MARF1: variants seen among roughly 807,000 people sequenced by gnomAD.
MARF1 encodes meiosis regulator and mRNA stability factor 1.
MARF1 carries 24 observed loss-of-function variants against 168.2 expected under a neutral mutation model. The observed-to-expected ratio is 0.14, with a 90% confidence interval of 0.10 to 0.20. The LOEUF (loss-of-function observed/expected upper bound fraction) is 0.20, where lower values mean the gene tolerates loss of function less well. Ranked by LOEUF, MARF1 falls within the 10% of genes least tolerant of loss-of-function variation. The pLI, the probability that MARF1 is intolerant of heterozygous loss-of-function variation, is 1.00. For synonymous variants in MARF1, 868 were observed against 822.4 expected (o/e 1.06, Z -0.95); for missense variants, 1,744 against 2,143.6 (o/e 0.81, Z 3.68).
At chr16:15,634,170 G>A (rs1291731553) in intron 4 of MARF1, among the ~76,000 whole-genome samples, 3 of 152,128 alleles carry the variant, frequency 2.0e-5, no homozygotes, top group Non-Finnish European at 2.9e-5. Flanking sequence ...CTAACTGACC[G>A]GATACTGCAG....
Position 15,643,133 on chromosome 16 carries a change from C to T in MARF1, c.-174G>A, listed in dbSNP as rs1222308039. 1 of 271,348 alleles carries T rather than the reference C, an allele frequency of 3.7e-6. No homozygotes were observed. Among genetic ancestry groups the T allele is most frequent in the African/African-American group, 2.4e-5 (1 of 41,782 alleles). 16.8% of individuals were successfully genotyped at this position (271,348 alleles called of 1,614,324 possible). On this transcript the variant is annotated 5_prime_UTR_variant, in exon 1 of 27. Transcript: ENST00000396368. ...CAGCTCCCGCCGCCGCCGCCAAGCG[C>T]ACCCTTCACTTCCGCTTCCGCACCG...
At chr16:15,620,844 A>G (rs919063087) in intron 12 of MARF1, among the ~76,000 whole-genome samples, 3 of 152,188 alleles carry the variant, frequency 2.0e-5, no homozygotes, top group South Asian at 4.1e-4. Flanking sequence ...TTTGTTAGAT[A>G]TATGTGATTG....
intron 13 of MARF1, among the ~76,000 whole-genome samples, chr16:15,620,150 G>A (rs2151177674): frequency 6.6e-6 from 1 of 152,198 alleles, no homozygotes; most frequent in South Asian, 2.1e-4. Flanking sequence ...CGGCAACAGA[G>A]CGAGACTCTG....
Position 15,609,582 on chromosome 16 carries a change from C to T in MARF1, c.3895G>A (p.Ala1299Thr), listed in dbSNP as rs1424925127. 6.2e-7 allele frequency: 1 copy of T among 1,614,156 alleles called. No individual in the cohort carries two copies. The highest frequency in any genetic ancestry group is 8.5e-7 in the Non-Finnish European group (1 of 1,180,028). The change falls in exon 20 of 27, where the codon GCG (alanine) becomes ACG (threonine). Residue 1299 changes from alanine (A) to threonine (T), a missense_variant. Ala to Thr is a moderately conservative substitution (Grantham distance 58, BLOSUM62 0). Around this residue, in one of 7 missense-constraint regions of MARF1, gnomAD observed 543 missense variants for 742.1 expected, o/e 0.73. Transcript: ENST00000396368. ...HHHFGRQCKL[A>T]YYGFTKLLEL... ...AGTAGTTTGGTAAACCCATAGTACG[C>T]AAGTTTGCACTGCCGGCCAAAGTGG...
chr16:15,634,185 A>T (rs2035435291), intron 4 of MARF1, among the ~76,000 whole-genome samples: 1 of 152,250 alleles, frequency 6.6e-6, no homozygotes, highest in African/African-American at 2.4e-5. Context: ...CTGCAGCTCC[A>T]GGACCCGACT....
rs78937176 is a variant in MARF1, at chr16:15,637,825, T to C, written c.144+1265A>G. Among the ~76,000 whole-genome samples the C allele has an allele frequency of 1.2e-4, 18 of 152,318 alleles. No individual in the cohort carries two copies. In the East Asian group the frequency reaches 2.9e-3, roughly 24 times the overall value. On this transcript the variant is annotated intron_variant, in intron 2 of 26. Coordinates refer to ENST00000396368, the MANE Select transcript of MARF1 (RefSeq NM_014647.4). ...TGATGTCTTGCAACAAAGACAACTA[T>C]ATAGTGAAAACCTAGAGAAAATAGA...
intron 26 of MARF1, among the ~76,000 whole-genome samples, chr16:15,597,590 T>A (rs1014675313): frequency 2.0e-5 from 3 of 152,072 alleles, no homozygotes; most frequent in African/African-American, 7.2e-5. Context: ...TGCCTTAGAC[T>A]CCCACTGCAT....
chr16:15,622,921 G>C lies in MARF1; in HGVS notation c.2460+13C>G, dbSNP rs767208076. 1 of 1,567,470 alleles carries C rather than the reference G, an allele frequency of 6.4e-7. No homozygotes were observed. Among genetic ancestry groups the C allele is most frequent in the South Asian group, 1.1e-5 (1 of 87,830 alleles). ...AGAGTATAACAAAGCAAGCACAAGA[G>C]GGAAAAAGTTACCTTGCCATGCCTG... On this transcript the variant is annotated intron_variant, in intron 11 of 26. Transcript: ENST00000396368.
Position 15,643,079 on chromosome 16 carries a change from CA to C in MARF1, c.-121del, listed in dbSNP as rs2036158523. 2 of 297,256 alleles carry C rather than the reference CA, an allele frequency of 6.7e-6. No homozygotes were observed. Among genetic ancestry groups the C allele is most frequent in the African/African-American group, 2.4e-5 (1 of 42,070 alleles). 18.4% of individuals were successfully genotyped at this position (297,256 alleles called of 1,614,324 possible). Reference sequence around the variant, plus strand: ...CCCGCCGCCTTCCCCCCGCCCCCCCCAGGCCCTTTGTTTTGATTCCCGACTC... The same window carrying C: ...CCCGCCGCCTTCCCCCCGCCCCCCCCGGCCCTTTGTTTTGATTCCCGACTC... On this transcript the variant is annotated 5_prime_UTR_variant, in exon 1 of 27. Transcript: ENST00000396368.
In MARF1 at chr16:15,630,343, G is replaced by C. The variant is rs753772105; in HGVS notation, c.1513C>G (p.Leu505Val). 1.5e-5 allele frequency: 24 copies of C among 1,599,192 alleles called. No homozygotes were observed. The highest frequency in any genetic ancestry group is 2.0e-5 in the Non-Finnish European group (23 of 1,170,638). The change falls in exon 7 of 27, where the codon CTA (leucine) becomes GTA (valine). Residue 505 changes from leucine to valine, a missense_variant. Transcript: ENST00000396368. ...FISDLPPRLP[L>V]KMPQCHTLLY... Reference sequence around the variant, plus strand: ...GCAAACCCACTTACTGGCATTTTTAGTGGTAACCTGGGGGGCAAGTCGGAA... The same window carrying C: ...GCAAACCCACTTACTGGCATTTTTACTGGTAACCTGGGGGGCAAGTCGGAA...
chr16:15,621,945 T>C, intron 11 of MARF1, 34 bp from the exon 12 acceptor site: 7 of 1,603,310 alleles, frequency 4.4e-6, no homozygotes, highest in South Asian at 2.2e-5. Context: ...AAACGCTATG[T>C]CCGCCCAGAA....
intron 11 of MARF1, among the ~76,000 whole-genome samples, chr16:15,622,288 A>G (rs1189393993): frequency 6.6e-6 from 1 of 152,212 alleles, no homozygotes; most frequent in African/African-American, 2.4e-5. Flanking sequence ...GTCAAATATA[A>G]TAAGGCATAA....
intron 10 of MARF1, among the ~76,000 whole-genome samples, chr16:15,623,679 T>G (rs1186568813): frequency 6.6e-6 from 1 of 152,146 alleles, no homozygotes; most frequent in African/African-American, 2.4e-5. Context: ...TATTCTTCCT[T>G]TGGGTTAAAG....
In MARF1 at chr16:15,608,578, T is replaced by A; in HGVS notation, c.3955-60A>T. On this transcript the variant is annotated intron_variant, in intron 20 of 26. Coordinates refer to ENST00000396368, the MANE Select transcript of MARF1 (RefSeq NM_014647.4). ...AAACAAATCACGGGTGTTTACAGAA[T>A]AGCAAAAAAAGTATGCAGCTAGTAA... The A allele has an allele frequency of 5.5e-6, 7 of 1,262,790 alleles. No homozygotes were observed. In the Admixed American group the frequency reaches 1.1e-4, roughly 19 times the overall value. 78.2% of individuals were successfully genotyped at this position (1,262,790 alleles called of 1,614,324 possible).
At chr16:15,611,225 G>C (rs190371113) in intron 18 of MARF1, 117 bp from the exon 19 acceptor site, 1 of 917,284 alleles carries the variant, frequency 1.1e-6, no homozygotes, top group African/African-American at 1.7e-5. Flanking sequence ...TTGGGAGGCC[G>C]AGGTGGACGG....
chr16:15,602,351 T>TGAAGAAGGAGACAAAGATGACGAA, intron 22 of MARF1, 148 bp from the exon 23 acceptor site: 1 of 648,340 alleles, frequency 1.5e-6, no homozygotes, highest in South Asian at 1.9e-5. Context: ...AAGATGAAGA[T>TGAAGAAGGAGACAAAGATGACGAA]GAAGAAGGAG....
Position 15,611,470 on chromosome 16 carries a change from A to G in MARF1, c.3617+122T>C, listed in dbSNP as rs958122177. On this transcript the variant is annotated intron_variant, in intron 18 of 26. Transcript: ENST00000396368. ...TCAAAAAAAAAAAAAAAAAAACAAA[A>G]AACTACTACAAGTTTTCCAAAAGAA... The G allele has an allele frequency of 4.4e-6, 4 of 912,996 alleles. No individual in the cohort carries two copies. The Admixed American group carries it at 9.1e-5, about 21-fold the overall frequency. 56.6% of individuals were successfully genotyped at this position (912,996 alleles called of 1,614,324 possible). A position where few individuals can be genotyped will look rare whatever the true frequency, so the allele number is the denominator to read the frequency against.
chr16:15,633,373 C>G (rs1226097404), intron 5 of MARF1, among the ~76,000 whole-genome samples: 1 of 151,904 alleles, frequency 6.6e-6, no homozygotes, highest in Admixed American at 6.6e-5. Context: ...ATAGGGAGAC[C>G]TCGTCTCTAC....
chr16:15,622,675 G>A (rs958380622), intron 11 of MARF1, among the ~76,000 whole-genome samples: 1 of 152,228 alleles, frequency 6.6e-6, no homozygotes, highest in Non-Finnish European at 1.5e-5. Context: ...GAGCCGCCAT[G>A]CCTGGCCACA....
Sources: gnomAD v4.1 joint callset for allele counts (sites outside exome capture counted in the v4.1 genomes callset) on GRCh38, gnomAD v4.1.1 for gene constraint, gnomAD v4.1.1 regional missense constraint, MANE v1.5 for transcripts, NCBI Gene and HGNC (gene_info 2026-07-23, HGNC 2026-07-21) for gene names.